UVRAG: variants seen among roughly 807,000 people sequenced by gnomAD.
UVRAG encodes the protein UV radiation resistance associated.
In UVRAG, 19 loss-of-function variants were observed where a neutral mutation model predicts 78.0. The observed-to-expected ratio is 0.24, with a 90% CI of 0.17 to 0.36. UVRAG has a LOEUF of 0.36. Among genes scored for constraint, UVRAG ranks in the 10% least tolerant of loss-of-function variants. The probability of loss-of-function intolerance (pLI) is 1.00; values close to 1 mark genes in which losing one functional copy is unlikely to be tolerated. For synonymous variants in UVRAG, 323 were observed against 324.6 expected, an observed-to-expected ratio of 1.00 and a Z score of 0.05; for missense variants, 740 against 853.8, an observed-to-expected ratio of 0.87 and a Z score of 1.66.
intron 1 of UVRAG, among the ~76,000 whole-genome samples, chr11:75,821,197 C>A (rs976646577): frequency 1.3e-5 from 2 of 152,096 alleles, no homozygotes; most frequent in Admixed American, 1.3e-4. Flanking sequence ...TTATGTTTGG[C>A]TTATTTCACT....
At chr11:75,827,435 C>A (rs555728865) in intron 1 of UVRAG, among the ~76,000 whole-genome samples, 6 of 152,046 alleles carry the variant, frequency 3.9e-5, no homozygotes, top group Non-Finnish European at 8.8e-5. Flanking sequence ...CATGGCGAAA[C>A]CCCATCTCTA....
intron 12 of UVRAG, among the ~76,000 whole-genome samples, chr11:76,024,895 A>G (rs1190780383): frequency 2.0e-5 from 3 of 152,138 alleles, no homozygotes; most frequent in Non-Finnish European, 4.4e-5. Flanking sequence ...GGAGATGGCA[A>G]GTAGAAATTG....
rs557061733 is a variant in UVRAG at position 75,977,796 on chromosome 11, G to T, written c.700-5591G>T. ...ACGTGAGATGGGTTTCCTGAATACA[G>T]CACACTTATGGGTCTTGACTCCATC... On this transcript the variant is annotated intron_variant, in intron 7 of 14. Transcript: ENST00000356136. Among the ~76,000 whole-genome samples the T allele has an allele frequency of 3.9e-5, 6 of 152,224 alleles. No homozygotes were observed. In the East Asian group the frequency reaches 1.2e-3, roughly 29 times the overall value.
intron 5 of UVRAG, among the ~76,000 whole-genome samples, chr11:75,910,539 CTTT>C (rs935961405): frequency 2.4e-5 from 3 of 124,054 alleles, no homozygotes; most frequent in Non-Finnish European, 1.7e-5. Context: ...TCCTTTTTAT[CTTT>C]TTTTTTTTTT....
intron 10 of UVRAG, 69 bp downstream of exon 10, chr11:76,007,690 A>G: frequency 3.1e-6 from 4 of 1,271,986 alleles, no homozygotes; most frequent in Non-Finnish European, 4.5e-6. Context: ...ATTTCCTCTC[A>G]ATGAAAAAAC....
chr11:75,941,942 T>G (rs1007868335), intron 6 of UVRAG, among the ~76,000 whole-genome samples: 2 of 152,106 alleles, frequency 1.3e-5, no homozygotes, highest in Non-Finnish European at 2.9e-5. Flanking sequence ...GAGAAAGATA[T>G]GAAGGGTGCT....
At chr11:76,075,124 G>A (rs1261897489) in intron 13 of UVRAG, among the ~76,000 whole-genome samples, 1 of 152,028 alleles carries the variant, frequency 6.6e-6, no homozygotes, top group Non-Finnish European at 1.5e-5. Context: ...AAGAAAATAT[G>A]CTTTTATTTT....
At chr11:76,128,933 A>G (rs984939756) in intron 14 of UVRAG, among the ~76,000 whole-genome samples, 5 of 152,160 alleles carry the variant, frequency 3.3e-5, no homozygotes, top group African/African-American at 7.2e-5. Flanking sequence ...TTATTCTATA[A>G]TTCTTCTCTT....
intron 3 of UVRAG, among the ~76,000 whole-genome samples, chr11:75,863,261 A>G (rs1946461310): frequency 6.6e-6 from 1 of 152,212 alleles, no homozygotes; most frequent in Admixed American, 6.5e-5. Flanking sequence ...GCCTAGCATC[A>G]TGCTTGATGT....
chr11:75,917,985 C>T (rs1947894211), intron 6 of UVRAG, among the ~76,000 whole-genome samples: 1 of 152,004 alleles, frequency 6.6e-6, no homozygotes, highest in South Asian at 2.1e-4. Flanking sequence ...GTATTCAAAC[C>T]CAGGCAGTCT....
rs770834698 is a variant in UVRAG, at chr11:76,141,083, C to T, written c.1770C>T (p.Ser590=). 8.7e-6 allele frequency: 14 copies of T among 1,614,004 alleles called. No homozygotes were observed. Among genetic ancestry groups the T allele is most frequent in the East Asian group, 2.2e-5 (1 of 44,884 alleles). ...HPSQEQGEAL[S]GHRATVNGTL... ...GCCAAGAACAAGGAGAAGCCCTCTCCGGGCACCGGGCCACAGTCAATGGCA... is the reference window on the plus strand; with the variant it reads ...GCCAAGAACAAGGAGAAGCCCTCTCTGGGCACCGGGCCACAGTCAATGGCA... Residue 590 remains serine (S), a synonymous_variant, in exon 15 of 15, where the codon TCC becomes TCT. Coordinates refer to ENST00000356136, the MANE Select transcript of UVRAG (RefSeq NM_003369.4).
intron 3 of UVRAG, among the ~76,000 whole-genome samples, chr11:75,866,686 C>T (rs982087639): frequency 2.0e-5 from 3 of 151,934 alleles, no homozygotes; most frequent in Admixed American, 6.6e-5. Flanking sequence ...TAATAAACTT[C>T]AGAAAGCAGG....
intron 1 of UVRAG, among the ~76,000 whole-genome samples, chr11:75,833,257 C>T (rs117168815): frequency 0.018 from 2,671 of 152,080 alleles, 31 homozygotes; most frequent in Non-Finnish European, 0.025. Context: ...TTCCTATGTG[C>T]CTAAACTAAG....
At chr11:75,932,122 A>G (rs1948253537) in intron 6 of UVRAG, among the ~76,000 whole-genome samples, 1 of 152,182 alleles carries the variant, frequency 6.6e-6, no homozygotes, top group Non-Finnish European at 1.5e-5. Context: ...ATGGTGCTTG[A>G]AAATTCAAAC....
intron 1 of UVRAG, among the ~76,000 whole-genome samples, chr11:75,827,069 A>G (rs76785176): frequency 0.011 from 1,700 of 152,316 alleles, 29 homozygotes; most frequent in African/African-American, 0.038. Flanking sequence ...AACACCAGGA[A>G]GCTGAAACTA....
intron 14 of UVRAG, among the ~76,000 whole-genome samples, chr11:76,122,611 C>G (rs574190813): frequency 1.3e-5 from 2 of 152,198 alleles, no homozygotes; most frequent in Non-Finnish European, 2.9e-5. Context: ...GCATCCTTTG[C>G]TGTAGGTGTT....
intron 5 of UVRAG, among the ~76,000 whole-genome samples, chr11:75,895,943 A>G (rs1422046712): frequency 6.6e-6 from 1 of 152,220 alleles, no homozygotes; most frequent in African/African-American, 2.4e-5. Flanking sequence ...GTACTGTGGG[A>G]TACAAAAGTA....
chr11:76,068,978 G>A (rs532621439), intron 13 of UVRAG, among the ~76,000 whole-genome samples: 16 of 152,322 alleles, frequency 1.1e-4, no homozygotes, highest in Non-Finnish European at 1.9e-4. Context: ...GTGGATGAAA[G>A]CATTGGCATG....
At chr11:76,098,731 A>G (rs1951828816) in intron 13 of UVRAG, among the ~76,000 whole-genome samples, 1 of 152,228 alleles carries the variant, frequency 6.6e-6, no homozygotes, top group South Asian at 2.1e-4. Flanking sequence ...CATTTACCAG[A>G]TCCTTGATGG....
Sources: allele counts gnomAD v4.1 joint callset (sites outside exome capture counted in the v4.1 genomes callset), GRCh38; gene constraint gnomAD v4.1.1; transcripts MANE v1.5; gene names NCBI Gene and HGNC (gene_info 2026-07-23, HGNC 2026-07-21).